The following MACROH2A1 variants were observed in gnomAD, a reference collection of about 807,000 sequenced individuals.
MACROH2A1 encodes core histone macro-H2A.1.
Under a neutral mutation model 31.6 loss-of-function variants are expected in MACROH2A1, and 2 were observed. The ratio of observed to expected loss-of-function variants is 0.06; its 90% CI spans 0.03 to 0.20. MACROH2A1 has a LOEUF of 0.20. MACROH2A1 is among the 10% of genes least tolerant of loss of function. The pLI, the probability that MACROH2A1 is intolerant of heterozygous loss-of-function variation, is 1.00. For synonymous variants in MACROH2A1, 169 were observed against 189.6 expected, an observed-to-expected ratio of 0.89 and a Z score of 0.89; for missense variants, 230 against 474.0, an observed-to-expected ratio of 0.49 and a Z score of 4.78.
At chr5:135,387,335 C>T (rs1292469927) in intron 2 of MACROH2A1, among the ~76,000 whole-genome samples, 21 of 152,302 alleles carry the variant, frequency 1.4e-4, no homozygotes, top group African/African-American at 4.3e-4. Context: ...AAATCTAACA[C>T]TATTACTTTT....
At chr5:135,359,735 T>G (rs1277696853) in intron 5 of MACROH2A1, 1 of 965,882 alleles carries the variant, frequency 1.0e-6, no homozygotes, top group Middle Eastern at 5.3e-4. Flanking sequence ...GAACGTCAAA[T>G]TCATTCCTTT....
rs61338247 is a variant in MACROH2A1, at chr5:135,383,700, G to GGTGTGTGTGT, written c.172+5212_172+5221dup. Among the ~76,000 whole-genome samples, 477 of 137,202 alleles carry GGTGTGTGTGT rather than the reference G, an allele frequency of 3.5e-3. 1 individual carries two copies. The highest frequency in any genetic ancestry group is 0.015 in the East Asian group (72 of 4,748). The allele number at this position is 137,202 out of a possible 152,430, so 90.0% of individuals were successfully genotyped here. On this transcript the variant is annotated intron_variant, in intron 2 of 8. Coordinates refer to ENST00000511689, the MANE Select transcript of MACROH2A1 (RefSeq NM_138610.3). Reference sequence around the variant, plus strand: ...GTCCCTTTCCTGTGTGATGTGGTGTGGTGTGTGTGTGTGTGTGTGTGTGTG... The same window carrying GGTGTGTGTGT: ...GTCCCTTTCCTGTGTGATGTGGTGTGGTGTGTGTGTGTGTGTGTGTGTGTGTGTGTGTGTG...
chr5:135,349,760 A>G (rs552698689), intron 6 of MACROH2A1, among the ~76,000 whole-genome samples: 4 of 152,360 alleles, frequency 2.6e-5, no homozygotes, highest in African/African-American at 9.6e-5. Flanking sequence ...CAGGACCAGT[A>G]CATTTACTAT....
intron 1 of MACROH2A1, among the ~76,000 whole-genome samples, chr5:135,394,474 G>A (rs1470604926): frequency 2.6e-5 from 4 of 152,140 alleles, no homozygotes; most frequent in Non-Finnish European, 4.4e-5. Flanking sequence ...GAGATCCACC[G>A]GGATGAATTT....
At chr5:135,379,543 T>C (rs953514876) in intron 2 of MACROH2A1, among the ~76,000 whole-genome samples, 8 of 152,016 alleles carry the variant, frequency 5.3e-5, no homozygotes, top group Non-Finnish European at 1.0e-4. Flanking sequence ...CTTGCTAGAG[T>C]TTATTTATAG....
At chr5:135,385,036 C>A (rs114085136) in intron 2 of MACROH2A1, among the ~76,000 whole-genome samples, 2,632 of 152,318 alleles carry the variant, frequency 0.017, 87 homozygotes, top group African/African-American at 0.06. Context: ...GTCCTCTTAG[C>A]AATCCCTGGG....
chr5:135,383,695 GGTGTGGTGTGTGT>G (rs1340897748), intron 2 of MACROH2A1, among the ~76,000 whole-genome samples: 1 of 146,172 alleles, frequency 6.8e-6, no homozygotes, highest in African/African-American at 2.6e-5. Context: ...TGTGTGATGT[GGTGTGGTGTGTGT>G]GTGTGTGTGT....
chr5:135,343,044 A>G lies in MACROH2A1; in HGVS notation c.953+216T>C, dbSNP rs769276950. On this transcript the variant is annotated intron_variant, in intron 8 of 8. Coordinates refer to ENST00000511689, the MANE Select transcript of MACROH2A1 (RefSeq NM_138610.3). ...CCCTTCTGTGATGACATTTGCTATCAAAACTTAAGTTTTATATCATCCTTG... is the reference window on the plus strand; with the variant it reads ...CCCTTCTGTGATGACATTTGCTATCGAAACTTAAGTTTTATATCATCCTTG... The G allele has an allele frequency of 2.4e-4, 281 of 1,165,410 alleles. 1 individual carries two copies. The highest frequency in any genetic ancestry group is 3.1e-4 in the Non-Finnish European group (267 of 852,004). 72.2% of individuals were successfully genotyped at this position (1,165,410 alleles called of 1,614,324 possible).
intron 6 of MACROH2A1, among the ~76,000 whole-genome samples, chr5:135,352,510 A>G (rs1761708008): frequency 6.6e-6 from 1 of 152,276 alleles, no homozygotes; most frequent in Admixed American, 6.5e-5. Context: ...ACAGCTTAAT[A>G]GCATACTGAT....
At chr5:135,353,306 C>T (rs556273223) in intron 5 of MACROH2A1, 11 of 437,050 alleles carry the variant, frequency 2.5e-5, no homozygotes, top group Non-Finnish European at 4.2e-5. Context: ...CCACAGTGGA[C>T]GAGGAGATCA....
Position 135,388,935 on chromosome 5 carries a change from C to T in MACROH2A1, c.159G>A (p.Leu53=). 6.2e-7 allele frequency: 1 copy of T among 1,606,100 alleles called. No individual in the cohort carries two copies. The highest frequency in any genetic ancestry group is 8.5e-7 in the Non-Finnish European group (1 of 1,173,672). Residue 53 remains leucine, a synonymous_variant, in exon 2 of 9, where the codon CTG becomes CTA. Coordinates refer to ENST00000511689, the MANE Select transcript of MACROH2A1 (RefSeq NM_138610.3). ...AGGTACACTCACCTGTCAGGTATTC[C>T]AGGACGGCGGCCATGTACACGGGTG... ...VGAPVYMAAV[L]EYLTAEILEL...
intron 1 of MACROH2A1, among the ~76,000 whole-genome samples, chr5:135,392,046 CCTGTCACA>C (rs1466738521): frequency 3.9e-5 from 6 of 152,202 alleles, no homozygotes; most frequent in African/African-American, 1.4e-4. Context: ...ACTTCTTGAG[CCTGTCACA>C]CTGTGTTAAG....
At chr5:135,370,905 T>C (rs112184658) in intron 2 of MACROH2A1, among the ~76,000 whole-genome samples, 4,891 of 152,322 alleles carry the variant, frequency 0.032, 107 homozygotes, top group South Asian at 0.056. Context: ...GGTATTGCCA[T>C]TCTGTAGGGA....
In MACROH2A1 at chr5:135,393,194, T is replaced by A. The variant is rs189187304; in HGVS notation, c.-33-4068A>T. On this transcript the variant is annotated intron_variant, in intron 1 of 8. Transcript: ENST00000511689. Reference sequence around the variant, plus strand: ...CATCTTGTTACTCTCACATCTTCAATACATGATTCCCAGGGTTGCCATGGA... The same window carrying A: ...CATCTTGTTACTCTCACATCTTCAAAACATGATTCCCAGGGTTGCCATGGA... 1.6e-4 allele frequency among the ~76,000 whole-genome samples: 25 copies of A among 152,306 alleles called. No individual in the cohort carries two copies. The East Asian group carries it at 4.4e-3, about 27-fold the overall frequency.
At chr5:135,383,183 C>T (rs188992961) in intron 2 of MACROH2A1, among the ~76,000 whole-genome samples, 2 of 152,304 alleles carry the variant, frequency 1.3e-5, no homozygotes, top group East Asian at 1.9e-4. Flanking sequence ...GTTTATCCAC[C>T]ATGGAATCAT....
intron 5 of MACROH2A1, chr5:135,359,273 G>A: frequency 1.0e-6 from 1 of 985,314 alleles, no homozygotes; most frequent in South Asian, 4.7e-5. Flanking sequence ...TGGAAGTAAT[G>A]TGGATGGGTC....
intron 1 of MACROH2A1, among the ~76,000 whole-genome samples, chr5:135,389,612 AGTACAGT>A (rs770354406): frequency 2.6e-5 from 4 of 152,206 alleles, no homozygotes; most frequent in Non-Finnish European, 5.9e-5. Context: ...TACAGGAGTC[AGTACAGT>A]GTATAGTCAG....
intron 1 of MACROH2A1, among the ~76,000 whole-genome samples, chr5:135,394,047 G>C (rs1377535211): frequency 6.6e-6 from 1 of 152,120 alleles, no homozygotes; most frequent in Non-Finnish European, 1.5e-5. Context: ...TGGCTATGTA[G>C]ACCCCATGAA....
chr5:135,358,633 A>G, intron 5 of MACROH2A1: 1 of 981,322 alleles, frequency 1.0e-6, no homozygotes, highest in Non-Finnish European at 1.2e-6. Context: ...AGTCAAGATA[A>G]GCACATTAAT....
Sources: allele counts gnomAD v4.1 joint callset (sites outside exome capture counted in the v4.1 genomes callset), GRCh38; gene constraint gnomAD v4.1.1; transcripts MANE v1.5; gene names NCBI Gene and HGNC (gene_info 2026-07-23, HGNC 2026-07-21).